The following EXOC3L1 variants were observed in gnomAD, a reference collection of about 807,000 sequenced individuals.
EXOC3L1 encodes the protein exocyst complex component 3 like 1, also known as exocyst complex component 3-like protein.
Under a neutral mutation model 83.6 loss-of-function variants are expected in EXOC3L1, and 79 were observed. The observed-to-expected ratio is 0.95, with a 90% CI of 0.79 to 1.14. The LOEUF is 1.14. Ranked by LOEUF, EXOC3L1 falls within the 50% of genes most tolerant of loss-of-function variation. The probability of loss-of-function intolerance (pLI) is 0.00; values close to 1 mark genes in which losing one functional copy is unlikely to be tolerated. For missense variants in EXOC3L1, 945 were observed against 972.0 expected (o/e 0.97, Z 0.37); for synonymous variants, 433 against 451.2 (o/e 0.96, Z 0.51).
chr16:67,185,069 C>A lies in EXOC3L1; in HGVS notation c.1750-12G>T. ...TCAGCCAGCAGCAGCTGCGGGGAGG[C>A]AATCAGGCGGGTGCAGGTCGCCTCT... is the stretch of plus-strand genomic sequence containing the variant. On this transcript the variant is annotated splice_polypyrimidine_tract_variant and intron_variant, in intron 11 of 13. Coordinates refer to ENST00000314586, the MANE Select transcript of EXOC3L1 (RefSeq NM_178516.4). 2 of 1,610,528 alleles carry A rather than the reference C, an allele frequency of 1.2e-6. No homozygotes were observed. Among genetic ancestry groups the A allele is most frequent in the East Asian group, 2.2e-5 (1 of 44,820 alleles).
rs1267658748 is a variant in EXOC3L1 at position 67,187,013 on chromosome 16, C to T, written c.1158+8G>A. 6.2e-7 allele frequency: 1 copy of T among 1,613,494 alleles called. No individual in the cohort carries two copies. Among genetic ancestry groups the T allele is most frequent in the African/African-American group, 1.3e-5 (1 of 74,934 alleles). ...GGACTTCTCTGGACCTGTGCCTCAA[C>T]TACTCACCTGGATGTTGGCCACAAA... On this transcript the variant is annotated splice_region_variant and intron_variant, in intron 6 of 13. Coordinates refer to ENST00000314586, the MANE Select transcript of EXOC3L1 (RefSeq NM_178516.4).
Position 67,185,043 on chromosome 16 carries a change from C to G in EXOC3L1, c.1764G>C (p.Glu588Asp). The G allele has an allele frequency of 6.2e-7, 1 of 1,609,490 alleles. No individual in the cohort carries two copies. Among genetic ancestry groups the G allele is most frequent in the Non-Finnish European group, 8.5e-7 (1 of 1,177,756 alleles). ...RNPTVQLLLA[E>D]AERAVVLQYL... is the part of the protein sequence containing the mutation. ...ACTGGAGCACCACGGCACGCTCGGCCTCAGCCAGCAGCAGCTGCGGGGAGG... is the reference window on the plus strand; with the variant it reads ...ACTGGAGCACCACGGCACGCTCGGCGTCAGCCAGCAGCAGCTGCGGGGAGG... Residue 588 changes from glutamate to aspartate, a missense_variant, in exon 12 of 14, where the codon GAG (glutamate) becomes GAC (aspartate). Physicochemically the swap from Glu to Asp is conservative, Grantham distance 45 (BLOSUM62 2). Coordinates refer to ENST00000314586, the MANE Select transcript of EXOC3L1 (RefSeq NM_178516.4).
rs200805406 is a variant in EXOC3L1, at chr16:67,187,585, G to A, written c.680C>T (p.Ala227Val). Residue 227 changes from alanine to valine, a missense_variant, in exon 5 of 14, where the codon GCG becomes GTG. Transcript: ENST00000314586. ...PALLVAAVRV[A>V]EVETGRTTPL... ...GGTTGTTCGTCCAGTCTCCACCTCC[G>A]CCACACGCACAGCAGCCACCAACAG... 4.5e-5 allele frequency: 72 copies of A among 1,606,048 alleles called. 1 individual carries two copies. The East Asian group carries it at 1.0e-3, about 22-fold the overall frequency.
Position 67,187,546 on chromosome 16 carries a change from A to T in EXOC3L1, c.719T>A (p.Val240Asp). The T allele has an allele frequency of 6.2e-7, 1 of 1,602,204 alleles. No homozygotes were observed. Among genetic ancestry groups the T allele is most frequent in the Non-Finnish European group, 8.5e-7 (1 of 1,177,938 alleles). Reference protein sequence around the residue: ...ETGRTTPLGQVPRDWRQRCLR... With the variant: ...ETGRTTPLGQDPRDWRQRCLR... The stretch of plus-strand genomic sequence containing the variant: ...ACAGCGCTGACGCCAGTCCCGGGGG[A>T]CCTGGCCCAGGGGGGTTGTTCGTCC... Residue 240 changes from valine to aspartate, a missense_variant, in exon 5 of 14, where the codon GTC becomes GAC. Coordinates refer to ENST00000314586, the MANE Select transcript of EXOC3L1 (RefSeq NM_178516.4).
At chr16:67,189,799 C>A in intron 1 of EXOC3L1, 116 bp from the exon 2 acceptor site, 1 of 1,062,298 alleles carries the variant, frequency 9.4e-7, no homozygotes, top group Non-Finnish European at 1.4e-6. Context: ...TTCCCGGCCC[C>A]CTCGGGAAGT....
chr16:67,186,161 G>T, intron 9 of EXOC3L1, 76 bp downstream of exon 9: 1 of 1,028,372 alleles, frequency 9.7e-7, no homozygotes. Context: ...GTGTCCTAGT[G>T]TGGGCTGAGC....
rs772172547 is a variant in EXOC3L1 at position 67,184,601 on chromosome 16, C to T, written c.2034G>A (p.Glu678=). 2.5e-6 allele frequency: 4 copies of T among 1,584,018 alleles called. No individual in the cohort carries two copies. Among genetic ancestry groups the T allele is most frequent in the Admixed American group, 1.7e-5 (1 of 58,554 alleles). The change falls in exon 14 of 14, where the codon GAG becomes GAA. Residue 678 remains glutamate, a synonymous_variant. Transcript: ENST00000314586. ...GGCCCAAGAGGGCGGAGACGTGGTCCTCGCTGCAGGGGCACCAAGGAGGCG... is the reference window on the plus strand; with the variant it reads ...GGCCCAAGAGGGCGGAGACGTGGTCTTCGCTGCAGGGGCACCAAGGAGGCG... ...GLRQQFPDVS[E]DHVSALLGLR... is the part of the protein sequence containing the mutation.
chr16:67,186,603 G>C lies in EXOC3L1; in HGVS notation c.1339C>G (p.Arg447Gly). 6.2e-7 allele frequency: 1 copy of C among 1,614,100 alleles called. No individual in the cohort carries two copies. The change falls in exon 8 of 14, where the codon CGA becomes GGA. Residue 447 changes from arginine (R) to glycine (G), a missense_variant. Arg to Gly is a moderately radical substitution (Grantham distance 125, BLOSUM62 -2). Transcript: ENST00000314586. The stretch of plus-strand genomic sequence containing the variant: ...TCTGACAGTGCCATGCCATGCACTC[G>C]CTGTTGCAGTGACTCACTGACCAGG... Reference protein sequence around the residue: ...ASLVSESLQQRVHGMALSELG... With the variant: ...ASLVSESLQQGVHGMALSELG...
intron 1 of EXOC3L1, 140 bp downstream of exon 1, chr16:67,189,831 G>A (rs894719247): frequency 6.2e-5 from 45 of 724,572 alleles, no homozygotes; most frequent in African/African-American, 8.8e-5. Context: ...GGTGTGATGC[G>A]GAGGGCACCT....
rs750823986 is a variant in EXOC3L1, at chr16:67,187,359, G to T, written c.906C>A (p.Tyr302Ter). The T allele has an allele frequency of 6.2e-7, 1 of 1,612,900 alleles. No individual in the cohort carries two copies. The highest frequency in any genetic ancestry group is 8.5e-7 in the Non-Finnish European group (1 of 1,180,004). ...TGTGGGCCCATAGCTGGACCACGTT[G>T]TACTGTGGCGGGCAGCAAGGCGCTA... is the stretch of plus-strand genomic sequence containing the variant. ...ALVAPCCPPQ[Y>*]NVVQLWAHTL... Residue 302 changes from tyrosine (Y) to a stop codon, truncating the protein, a stop_gained, in exon 5 of 14, where the codon TAC (tyrosine) becomes TAA (stop). Transcript: ENST00000314586. LOFTEE classifies it high-confidence loss of function.
rs780899761 is a variant in EXOC3L1 at position 67,189,645 on chromosome 16, G to A, written c.32C>T (p.Pro11Leu). 40 of 1,613,980 alleles carry A rather than the reference G, an allele frequency of 2.5e-5. No individual in the cohort carries two copies. Among genetic ancestry groups the A allele is most frequent in the African/African-American group, 5.3e-5 (4 of 74,932 alleles). Residue 11 changes from proline to leucine, a missense_variant, in exon 2 of 14, where the codon CCG (proline) becomes CTG (leucine). Coordinates refer to ENST00000314586, the MANE Select transcript of EXOC3L1 (RefSeq NM_178516.4). ...AAGGTTCATACCAGGGGACAACGCC[G>A]GCTGCATCTCATCCTTGGCTGCTGA... MDSAAKDEMQPALSPGPEWPE... is the reference protein window; with the variant it reads MDSAAKDEMQLALSPGPEWPE...
chr16:67,189,977 T>G lies in EXOC3L1; in HGVS notation c.-14A>C. The stretch of plus-strand genomic sequence containing the variant: ...AGTTTGGTACAGAACTTACCAGATT[T>G]GATCAGGCGTCCAGTTCTCCCTCCA... On this transcript the variant is annotated 5_prime_UTR_variant, in exon 1 of 14. Coordinates refer to ENST00000314586, the MANE Select transcript of EXOC3L1 (RefSeq NM_178516.4). 2.5e-6 allele frequency: 1 copy of G among 398,440 alleles called. No homozygotes were observed. Among genetic ancestry groups the G allele is most frequent in the Non-Finnish European group, 4.6e-6 (1 of 218,688 alleles). 24.7% of individuals were successfully genotyped at this position (398,440 alleles called of 1,614,324 possible). A position where few individuals can be genotyped will look rare whatever the true frequency, so the allele number is the denominator to read the frequency against.
At chr16:67,184,843 CCT>C (rs2032641253) in intron 12 of EXOC3L1, 33 bp from the exon 13 acceptor site, 1 of 1,607,440 alleles carries the variant, frequency 6.2e-7, no homozygotes, top group Non-Finnish European at 8.5e-7. Flanking sequence ...TCGCGCCAGC[CCT>C]CTCTCCCACC....
Position 67,186,310 on chromosome 16 carries a change from A to G in EXOC3L1, c.1423T>C (p.Phe475Leu). ...TGAGGGGCCATTGATTTCCCCCTGA[A>G]GTGGTCTCGGGAGAATCGGATCAGA... The part of the protein sequence containing the change: ...DALIRFSRDH[F>L]RGKSMAPHYV... Residue 475 changes from phenylalanine to leucine, a missense_variant, in exon 9 of 14, where the codon TTC (phenylalanine) becomes CTC (leucine). Transcript: ENST00000314586. 6.4e-7 allele frequency: 1 copy of G among 1,571,468 alleles called. No individual in the cohort carries two copies. Among genetic ancestry groups the G allele is most frequent in the East Asian group, 2.4e-5 (1 of 42,458 alleles).
At chr16:67,189,585 C>G in intron 2 of EXOC3L1, 46 bp downstream of exon 2, 9 of 1,610,956 alleles carry the variant, frequency 5.6e-6, no homozygotes, top group Non-Finnish European at 7.6e-6. Context: ...CCAGTCCCAT[C>G]TTTGTTGCCA....
rs759563572 is a variant in EXOC3L1 at position 67,189,011 on chromosome 16, C to G, written c.207+9G>C. The G allele has an allele frequency of 6.2e-6, 10 of 1,603,990 alleles. No homozygotes were observed. The South Asian group carries it at 7.7e-5, about 12-fold the overall frequency. On this transcript the variant is annotated intron_variant, in intron 3 of 13. Coordinates refer to ENST00000314586, the MANE Select transcript of EXOC3L1 (RefSeq NM_178516.4). ...GTCCCAGCACCCGCACCCCCTGCCC[C>G]ATGCCCACCTTGAGGCGCGATTCCA...
rs1358438247 is a variant in EXOC3L1 at position 67,184,751 on chromosome 16, G to T, written c.1965C>A (p.Asn655Lys). The T allele has an allele frequency of 3.8e-6, 6 of 1,592,522 alleles. No individual in the cohort carries two copies. The South Asian group carries it at 4.4e-5, about 12-fold the overall frequency. Residue 655 changes from asparagine to lysine, a missense_variant, in exon 13 of 14, where the codon AAC becomes AAA. Transcript: ENST00000314586. ...GGCCCAGCAGCGCGGGGTCGCGGAGGTTTAGCAGCTCCCTCAGGGCGAGCA... is the reference window on the plus strand; with the variant it reads ...GGCCCAGCAGCGCGGGGTCGCGGAGTTTTAGCAGCTCCCTCAGGGCGAGCA... The part of the protein sequence containing the change: ...PVLLALRELL[N>K]LRDPALLGLE...
Position 67,186,325 on chromosome 16 carries a change from A to G in EXOC3L1, c.1408T>C (p.Phe470Leu). ...TTCCCCCTGAAGTGGTCTCGGGAGA[A>G]TCGGATCAGAGCATCACTGAAGCTG... ...LRSFSDALIR[F>L]SRDHFRGKSM... The change falls in exon 9 of 14, where the codon TTC becomes CTC. Residue 470 changes from phenylalanine to leucine, a missense_variant. By Grantham distance (22) the Phe-to-Leu change is conservative. Transcript: ENST00000314586. 6.4e-7 allele frequency: 1 copy of G among 1,565,456 alleles called. No individual in the cohort carries two copies. The highest frequency in any genetic ancestry group is 8.7e-7 in the Non-Finnish European group (1 of 1,154,188).
chr16:67,184,696 G>T lies in EXOC3L1; in HGVS notation c.2020C>A (p.Pro674Thr). The T allele has an allele frequency of 6.3e-7, 1 of 1,576,426 alleles. No homozygotes were observed. Reference protein sequence around the residue: ...LEVAGLRQQFPDVSEDHVSAL... With the variant: ...LEVAGLRQQFTDVSEDHVSAL... Reference sequence around the variant, plus strand: ...GCCCCCAGTCCGCACCTCACGTCGGGAAATTGTTGCCGCAGGCCAGCCACC... The same window carrying T: ...GCCCCCAGTCCGCACCTCACGTCGGTAAATTGTTGCCGCAGGCCAGCCACC... Residue 674 changes from proline to threonine, a missense_variant, in exon 13 of 14, where the codon CCC (proline) becomes ACC (threonine). Physicochemically the swap from Pro to Thr is conservative, Grantham distance 38. Coordinates refer to ENST00000314586, the MANE Select transcript of EXOC3L1 (RefSeq NM_178516.4).
Sources: allele counts gnomAD v4.1 joint callset, GRCh38; gene constraint gnomAD v4.1.1; transcripts MANE v1.5; gene names NCBI Gene and HGNC (gene_info 2026-07-23, HGNC 2026-07-21).